KIF24: variants seen among roughly 807,000 people sequenced by gnomAD.
KIF24 encodes the protein kinesin family member 24.
A neutral mutation model predicts 118.9 loss-of-function variants in KIF24; 81 were observed. The ratio of observed to expected loss-of-function variants is 0.68; its 90% CI spans 0.57 to 0.82. The LOEUF is 0.82. KIF24 is among the 40% of genes least tolerant of loss of function. KIF24 has a pLI of 0.00. For synonymous variants in KIF24, 599 were observed against 610.0 expected, an observed-to-expected ratio of 0.98 and a Z score of 0.27; for missense variants, 1,560 against 1,661.6, an observed-to-expected ratio of 0.94 and a Z score of 1.06.
chr9:34,286,684 C>T lies in KIF24; in HGVS notation c.1148G>A (p.Ser383Asn). The change falls in exon 6 of 13, where the codon AGC becomes AAC. Residue 383 changes from serine (S) to asparagine (N), a missense_variant. Ser to Asn is a conservative substitution (Grantham distance 46). Coordinates refer to ENST00000402558, the MANE Select transcript of KIF24 (RefSeq NM_194313.4). ...TCCCACTATCTGCACCATGTGCTTG[C>T]TATCTTCTCTTGCAAAGAGCCTGCA... ...RRKRLFARED[S>N]KHMVQIVGLQ... 1 of 1,613,228 alleles carries T rather than the reference C, an allele frequency of 6.2e-7. No individual in the cohort carries two copies. The highest frequency in any genetic ancestry group is 8.5e-7 in the Non-Finnish European group (1 of 1,179,284).
At chr9:34,311,909 T>C (rs1230121980) in intron 1 of KIF24, among the ~76,000 whole-genome samples, 1 of 152,066 alleles carries the variant, frequency 6.6e-6, no homozygotes, top group Non-Finnish European at 1.5e-5. Context: ...CCACAACTAT[T>C]GAAACCTTGT....
rs1262416097 is a variant in KIF24, at chr9:34,302,462, C to T, written c.813+3790G>A. ...GAAACTACAGGTACATGTCACCACG[C>T]TTGGCAATTTTTTTTTTTTTTGAGA... On this transcript the variant is annotated intron_variant, in intron 3 of 12. Coordinates refer to ENST00000402558, the MANE Select transcript of KIF24 (RefSeq NM_194313.4). Among the ~76,000 whole-genome samples, 4 of 129,508 alleles carry T rather than the reference C, an allele frequency of 3.1e-5. No homozygotes were observed. In the East Asian group the frequency reaches 8.7e-4, roughly 28 times the overall value. The allele number at this position is 129,508 out of a possible 152,430, so 85.0% of individuals were successfully genotyped here.
chr9:34,280,438 T>C (rs1045295504), intron 6 of KIF24, among the ~76,000 whole-genome samples: 1 of 151,972 alleles, frequency 6.6e-6, no homozygotes, highest in Non-Finnish European at 1.5e-5. Context: ...CTTTAATTGG[T>C]CTAATCTTCA....
At position 34,313,746 on chromosome 9, in the gene KIF24, T is replaced by G. The variant is rs7465782; in HGVS notation, c.-25-2375A>C. ...AGCTTCCCCCGTTATCTGTTTTTTT[T>G]TTTTTGTTTTTTTTTTTTTGAGGGA... On this transcript the variant is annotated intron_variant, in intron 1 of 12. Transcript: ENST00000402558. Among the ~76,000 whole-genome samples the G allele has an allele frequency of 2.5e-4, 37 of 146,012 alleles. 1 individual carries two copies. Among genetic ancestry groups the G allele is most frequent in the Middle Eastern group, 3.5e-3 (1 of 288 alleles).
At position 34,253,572 on chromosome 9, in the gene KIF24, G is replaced by A. The variant is rs1381926015; in HGVS notation, c.*808C>T. ...TAGGAGATGGACTATTCCATGAGGG[G>A]GCTGGGTAGTGAGGTGTCCCAGATA... On this transcript the variant is annotated 3_prime_UTR_variant, in exon 13 of 13. Transcript: ENST00000402558. The A allele has an allele frequency of 6.6e-6, 1 of 152,432 alleles. No individual in the cohort carries two copies. Among genetic ancestry groups the A allele is most frequent in the Non-Finnish European group, 1.5e-5 (1 of 68,236 alleles). 9.4% of individuals were successfully genotyped at this position (152,432 alleles called of 1,614,324 possible). A position where few individuals can be genotyped will look rare whatever the true frequency, so the allele number is the denominator to read the frequency against.
intron 9 of KIF24, among the ~76,000 whole-genome samples, chr9:34,262,688 A>G (rs1323509941): frequency 1.8e-3 from 48 of 27,348 alleles, no homozygotes; most frequent in Non-Finnish European, 2.4e-3. Context: ...ATATATATAT[A>G]TATATATATA....
intron 1 of KIF24, among the ~76,000 whole-genome samples, chr9:34,327,172 G>A (rs1343848276): frequency 6.6e-6 from 1 of 151,994 alleles, no homozygotes; most frequent in Non-Finnish European, 1.5e-5. Context: ...TACACTCAAG[G>A]TTTAAGAAGT....
intron 8 of KIF24, among the ~76,000 whole-genome samples, chr9:34,265,175 CTGTT>C (rs1033998238): frequency 2.0e-5 from 3 of 151,854 alleles, no homozygotes; most frequent in Non-Finnish European, 4.4e-5. Context: ...TTGCTTTTTG[CTGTT>C]TGTTTAAGAG....
chr9:34,277,285 A>G (rs151214649), intron 6 of KIF24, among the ~76,000 whole-genome samples: 9 of 152,324 alleles, frequency 5.9e-5, no homozygotes, highest in South Asian at 4.1e-4. Context: ...TGTAAAAGCA[A>G]TATGTCTGAC....
At position 34,293,925 on chromosome 9, in the gene KIF24, T is replaced by C. The variant is rs1472380123; in HGVS notation, c.911+3092A>G. On this transcript the variant is annotated intron_variant, in intron 4 of 12. Transcript: ENST00000402558. ...CAGAACTACAATTCTCATGTTACTG[T>C]TGGGAGTATAAAATGGTACACTTTG... Among the ~76,000 whole-genome samples, 3 of 152,220 alleles carry C rather than the reference T, an allele frequency of 2.0e-5. No individual in the cohort carries two copies. In the East Asian group the frequency reaches 5.8e-4, roughly 29 times the overall value.
At chr9:34,301,562 T>C (rs1185773212) in intron 3 of KIF24, among the ~76,000 whole-genome samples, 1 of 152,122 alleles carries the variant, frequency 6.6e-6, no homozygotes, top group African/African-American at 2.4e-5. Flanking sequence ...AAAAGTAACA[T>C]GTGGGCCAGG....
chr9:34,311,397 G>A (rs766356698), intron 1 of KIF24, 26 bp from the exon 2 acceptor site: 25 of 1,269,956 alleles, frequency 2.0e-5, no homozygotes, highest in African/African-American at 1.2e-4. Context: ...AAAGCCATTC[G>A]CTTGAAATAG....
chr9:34,283,052 C>CA (rs33926979), intron 6 of KIF24, among the ~76,000 whole-genome samples: 980 of 68,694 alleles, frequency 0.014, 13 homozygotes, highest in African/African-American at 0.023. Flanking sequence ...AACTCCGTCT[C>CA]AAAAAAAAAA....
chr9:34,319,765 G>A, intron 1 of KIF24: 1 of 598,672 alleles, frequency 1.7e-6, no homozygotes, highest in Non-Finnish European at 3.1e-6. Context: ...CTCCATGGGT[G>A]GGGGTGGACA....
intron 4 of KIF24, among the ~76,000 whole-genome samples, chr9:34,291,638 A>G (rs747946307): frequency 9.2e-5 from 14 of 152,218 alleles, no homozygotes; most frequent in Admixed American, 3.9e-4. Context: ...TGTCAATCAC[A>G]GTATGTTTTA....
chr9:34,263,111 T>A lies in KIF24; in HGVS notation c.1505A>T (p.Lys502Ile), dbSNP rs538202695. The A allele has an allele frequency of 6.2e-7, 1 of 1,612,750 alleles. No individual in the cohort carries two copies. The highest frequency in any genetic ancestry group is 8.5e-7 in the Non-Finnish European group (1 of 1,179,198). Residue 502 changes from lysine to isoleucine, a missense_variant, in exon 9 of 13, where the codon AAA becomes ATA. Physicochemically the swap from Lys to Ile is moderately radical, Grantham distance 102 (BLOSUM62 -3). Around this residue, in one of 3 missense-constraint regions of KIF24, gnomAD observed 964 missense variants for 988.0 expected, o/e 0.98. Transcript: ENST00000402558. Reference sequence around the variant, plus strand: ...CACATTTAACTTTACCTGAGTTAGTTTGCTTTGCCTGAAGGGAGTATGGGT... The same window carrying A: ...CACATTTAACTTTACCTGAGTTAGTATGCTTTGCCTGAAGGGAGTATGGGT... ...EHTHTPFRQS[K>I]LTQVLKDSFI...
At chr9:34,254,698 C>T (rs1315857357) in intron 12 of KIF24, among the ~76,000 whole-genome samples, 178 bp from the exon 13 acceptor site, 3 of 152,078 alleles carry the variant, frequency 2.0e-5, no homozygotes, top group Non-Finnish European at 4.4e-5. Flanking sequence ...GCATTCGAGA[C>T]ACTTTCCAAG....
chr9:34,328,835 C>G (rs1232810036), intron 1 of KIF24, among the ~76,000 whole-genome samples: 1 of 152,156 alleles, frequency 6.6e-6, no homozygotes, highest in Non-Finnish European at 1.5e-5. Context: ...GGTTCAAAAG[C>G]AAGAAGGCTT....
At chr9:34,301,211 C>T (rs760913245) in intron 3 of KIF24, among the ~76,000 whole-genome samples, 49 of 152,158 alleles carry the variant, frequency 3.2e-4, no homozygotes, top group Non-Finnish European at 5.9e-4. Flanking sequence ...GGAGTAACAC[C>T]TACGTTGACC....
Sources: gnomAD v4.1 joint callset for allele counts (sites outside exome capture counted in the v4.1 genomes callset) on GRCh38, gnomAD v4.1.1 for gene constraint, gnomAD v4.1.1 regional missense constraint, MANE v1.5 for transcripts, NCBI Gene and HGNC (gene_info 2026-07-23, HGNC 2026-07-21) for gene names.